DMD: variants seen among roughly 807,000 people sequenced by gnomAD.
DMD encodes mutant dystrophin.
In DMD, 63 loss-of-function variants were observed where a neutral mutation model predicts 330.1. The ratio of observed to expected loss-of-function variants is 0.19; its 90% CI spans 0.16 to 0.24. DMD has a LOEUF of 0.24. Ranked by LOEUF, DMD falls within the 10% of genes least tolerant of loss-of-function variation. The pLI is 1.00. For missense variants in DMD, 3,344 were observed against 2,684.1 expected (o/e 1.25, Z -5.43); for synonymous variants, 1,223 against 959.8 (o/e 1.27, Z -5.07).
At chrX:31,667,649 A>T (rs2081508281) in intron 53 of DMD, among the ~76,000 whole-genome samples, 1 of 111,385 alleles carries the variant, frequency 9.0e-6, no homozygotes, top group Non-Finnish European at 1.9e-5. Flanking sequence ...TTGTGAATTT[A>T]AAAATAACTG....
intron 57 of DMD, among the ~76,000 whole-genome samples, chrX:31,483,172 G>C (rs113988948): frequency 5.7e-4 from 59 of 103,534 alleles, no homozygotes; most frequent in African/African-American, 1.9e-3. Flanking sequence ...TCAGCCTCCC[G>C]AGTAGCTGGG....
chrX:31,994,363 A>T (rs760860393), intron 44 of DMD, among the ~76,000 whole-genome samples: 1 of 112,151 alleles, frequency 8.9e-6, no homozygotes, highest in Non-Finnish European at 1.9e-5. Context: ...ACTACGAATG[A>T]GCTAAAGATA....
chrX:31,284,803 T>C (rs1402020054), intron 62 of DMD, among the ~76,000 whole-genome samples: 1 of 104,411 alleles, frequency 9.6e-6, no homozygotes, highest in African/African-American at 3.6e-5. Flanking sequence ...AATGCTTCCT[T>C]AAAGATAAAT....
intron 52 of DMD, among the ~76,000 whole-genome samples, chrX:31,691,787 CAAA>C (rs2083142774): frequency 9.0e-6 from 1 of 111,615 alleles, no homozygotes. Context: ...ATATATAAAG[CAAA>C]CATTAAGGGA....
At chrX:32,525,581 A>C (rs1236427671) in intron 17 of DMD, among the ~76,000 whole-genome samples, 3 of 111,520 alleles carry the variant, frequency 2.7e-5, no homozygotes. Context: ...TTTATTCCTT[A>C]TCAATTTAGC....
At chrX:32,915,702 A>C (rs2087734061) in intron 2 of DMD, among the ~76,000 whole-genome samples, 1 of 112,246 alleles carries the variant, frequency 8.9e-6, no homozygotes, top group Non-Finnish European at 1.9e-5. Context: ...CTCAGTAGCT[A>C]CATAAAGTAA....
chrX:32,394,922 A>AAAAAAC (rs1557326757), intron 30 of DMD, among the ~76,000 whole-genome samples: 1,587 of 22,102 alleles, frequency 0.072, 49 homozygotes, highest in African/African-American at 0.2. Context: ...AAAACAAAAA[A>AAAAAAC]AAAAAAAAAA....
At chrX:31,857,436 C>G (rs1481446288) in intron 48 of DMD, among the ~76,000 whole-genome samples, 1 of 101,423 alleles carries the variant, frequency 9.9e-6, no homozygotes, top group African/African-American at 3.7e-5. Flanking sequence ...TTTTAATGAC[C>G]AGCATGTTAC....
At chrX:31,519,523 C>G (rs2072552956) in intron 55 of DMD, among the ~76,000 whole-genome samples, 1 of 111,386 alleles carries the variant, frequency 9.0e-6, no homozygotes, top group South Asian at 3.8e-4. Flanking sequence ...CATTCTATCC[C>G]CCACTTTACC....
At chrX:31,364,435 T>C (rs1245703478) in intron 60 of DMD, among the ~76,000 whole-genome samples, 5 of 111,813 alleles carry the variant, frequency 4.5e-5, no homozygotes, top group South Asian at 3.8e-4. Flanking sequence ...CCTGCAGCAA[T>C]AGTCTGAAAG....
At chrX:33,130,184 A>G (rs2095490827) in intron 1 of DMD, among the ~76,000 whole-genome samples, 1 of 112,073 alleles carries the variant, frequency 8.9e-6, no homozygotes, top group African/African-American at 3.2e-5. Flanking sequence ...TGGCCAGGGA[A>G]GAAATAAATA....
At chrX:32,562,532 C>A (rs1438212532) in intron 16 of DMD, among the ~76,000 whole-genome samples, 1 of 112,707 alleles carries the variant, frequency 8.9e-6, no homozygotes, top group Non-Finnish European at 1.9e-5. Flanking sequence ...ATTATGAGAA[C>A]TTTGCTCATT....
chrX:32,154,567 A>G (rs994453092), intron 44 of DMD, among the ~76,000 whole-genome samples: 1 of 111,704 alleles, frequency 9.0e-6, no homozygotes, highest in Non-Finnish European at 1.9e-5. Flanking sequence ...TCTTAATGTG[A>G]CACAAAGCAA....
chrX:31,449,295 G>C, intron 59 of DMD, among the ~76,000 whole-genome samples: 1 of 111,453 alleles, frequency 9.0e-6, no homozygotes, highest in East Asian at 2.8e-4. Context: ...AATCGTAATA[G>C]AGACTGTGAG....
chrX:32,014,039 T>G (rs938242002), intron 44 of DMD, among the ~76,000 whole-genome samples: 2 of 112,365 alleles, frequency 1.8e-5, no homozygotes, highest in Admixed American at 9.5e-5. Flanking sequence ...TTGCTATTTT[T>G]AAAAGTGCTT....
At chrX:32,027,164 G>GCACACACACACACACATACACACA (rs368471597) in intron 44 of DMD, among the ~76,000 whole-genome samples, 70 of 89,514 alleles carry the variant, frequency 7.8e-4, no homozygotes, top group African/African-American at 2.7e-3. Flanking sequence ...ACACGCACGT[G>GCACACACACACACACATACACACA]CACACACACA....
intron 1 of DMD, among the ~76,000 whole-genome samples, chrX:33,087,909 C>T (rs1267749569): frequency 9.0e-6 from 1 of 110,912 alleles, no homozygotes; most frequent in Non-Finnish European, 1.9e-5. Flanking sequence ...TTTTCTATGT[C>T]TATTGAAATT....
At chrX:31,671,023 C>T (rs2081746167) in intron 53 of DMD, among the ~76,000 whole-genome samples, 1 of 111,058 alleles carries the variant, frequency 9.0e-6, no homozygotes, top group South Asian at 3.8e-4. Context: ...CGCCATTCTC[C>T]TGCCTCAGCC....
Position 31,305,348 on chromosome X carries a change from T to C in DMD, c.9224+18250A>G, listed in dbSNP as rs143718934. Among the ~76,000 whole-genome samples, 1,025 of 111,824 alleles carry C rather than the reference T, an allele frequency of 9.2e-3. 9 individuals carry two copies. The highest frequency in any genetic ancestry group is 0.031 in the African/African-American group (967 of 30,843). On this transcript the variant is annotated intron_variant, in intron 62 of 78. Transcript: ENST00000357033. ...TAGCCATGGTTACCATGTACTGCAATGGAACACTAAAACTTGATTTTCCCT... is the reference window on the plus strand; with the variant it reads ...TAGCCATGGTTACCATGTACTGCAACGGAACACTAAAACTTGATTTTCCCT...
Sources: allele counts gnomAD v4.1 joint callset (sites outside exome capture counted in the v4.1 genomes callset), GRCh38; gene constraint gnomAD v4.1.1; transcripts MANE v1.5; gene names NCBI Gene and HGNC (gene_info 2026-07-23, HGNC 2026-07-21).